The following EBF1 variants were observed in gnomAD, a reference collection of about 807,000 sequenced individuals.
The protein encoded by EBF1 is EBF transcription factor 1.
EBF1 carries 10 observed loss-of-function variants against 68.4 expected under a neutral mutation model. The ratio of observed to expected loss-of-function variants is 0.15; its 90% CI spans 0.09 to 0.25. The LOEUF (loss-of-function observed/expected upper bound fraction) is 0.25. EBF1 is among the 10% of genes least tolerant of loss of function. The pLI is 1.00. For synonymous variants in EBF1, 298 were observed against 299.8 expected, an observed-to-expected ratio of 0.99 and a Z score of 0.06; for missense variants, 509 against 794.4, an observed-to-expected ratio of 0.64 and a Z score of 4.32.
intron 11 of EBF1, among the ~76,000 whole-genome samples, chr5:158,715,627 T>C (rs1170730119): frequency 6.6e-6 from 1 of 152,174 alleles, no homozygotes; most frequent in Non-Finnish European, 1.5e-5. Context: ...TAAAGAACAT[T>C]ATATAATCAA....
At chr5:158,848,985 C>T (rs1470566593) in intron 6 of EBF1, among the ~76,000 whole-genome samples, 1 of 152,204 alleles carries the variant, frequency 6.6e-6, no homozygotes, top group Non-Finnish European at 1.5e-5. Context: ...ACTCAACCAA[C>T]AGACCTTTCC....
intron 6 of EBF1, among the ~76,000 whole-genome samples, chr5:158,949,424 G>C (rs1456064537): frequency 6.6e-6 from 1 of 152,158 alleles, no homozygotes; most frequent in Non-Finnish European, 1.5e-5. Flanking sequence ...GAGGCCAGGA[G>C]TTTGAGACCA....
chr5:158,804,562 C>T (rs958049532), intron 8 of EBF1, among the ~76,000 whole-genome samples: 1 of 152,096 alleles, frequency 6.6e-6, no homozygotes, highest in African/African-American at 2.4e-5. Context: ...GACAATTTAG[C>T]AGTAAGAAAT....
At chr5:159,002,576 A>C (rs1226461451) in intron 6 of EBF1, among the ~76,000 whole-genome samples, 1 of 152,208 alleles carries the variant, frequency 6.6e-6, no homozygotes, top group African/African-American at 2.4e-5. Context: ...ATGTTTAAAA[A>C]TCCATAGGGC....
intron 6 of EBF1, among the ~76,000 whole-genome samples, chr5:158,881,572 G>A (rs762025017): frequency 3.3e-5 from 5 of 152,132 alleles, no homozygotes; most frequent in African/African-American, 4.8e-5. Context: ...TATGTGCTGC[G>A]GGCTGTCTGA....
At chr5:158,779,981 T>C (rs1189503299) in intron 9 of EBF1, among the ~76,000 whole-genome samples, 1 of 152,200 alleles carries the variant, frequency 6.6e-6, no homozygotes, top group Non-Finnish European at 1.5e-5. Flanking sequence ...AGGTAGAATC[T>C]GAATCATAAT....
intron 6 of EBF1, among the ~76,000 whole-genome samples, chr5:158,900,579 A>G (rs1461855444): frequency 6.6e-6 from 1 of 152,174 alleles, no homozygotes; most frequent in South Asian, 2.1e-4. Context: ...CTGACCCCTA[A>G]CTACTTCCTT....
At chr5:158,742,922 A>G (rs926765982) in intron 10 of EBF1, among the ~76,000 whole-genome samples, 2 of 152,232 alleles carry the variant, frequency 1.3e-5, no homozygotes, top group Admixed American at 1.3e-4. Context: ...TGTTTAATTA[A>G]TTAAATAAAA....
Position 158,731,150 on chromosome 5 carries a change from G to A in EBF1, c.1044C>T (p.Asn348=), listed in dbSNP as rs146276323. The part of the protein sequence containing the change: ...TPGRFIYTAL[N]EPTIDYGFQR... ...GGAAACCATAATCGATGGTGGGTTC[G>A]TTGAGCGCTGCAATAAAGAAGTCAC... Residue 348 remains asparagine (N), a synonymous_variant, in exon 11 of 16, where the codon AAC becomes AAT. Transcript: ENST00000313708. The A allele has an allele frequency of 6.4e-5, 103 of 1,613,844 alleles. 1 individual carries two copies. The highest frequency in any genetic ancestry group is 6.0e-4 in the African/African-American group (45 of 75,026).
chr5:158,909,986 A>AAAT (rs1805588700), intron 6 of EBF1, among the ~76,000 whole-genome samples: 1 of 148,010 alleles, frequency 6.8e-6, no homozygotes, highest in Non-Finnish European at 1.5e-5. Context: ...AAAAAAAAAA[A>AAAT]TGCAGGGGAA....
intron 15 of EBF1, among the ~76,000 whole-genome samples, chr5:158,703,858 C>G (rs553037054): frequency 1.1e-4 from 17 of 152,206 alleles, no homozygotes; most frequent in African/African-American, 3.9e-4. Flanking sequence ...TCTCCTTCAT[C>G]TTTCCTTCCT....
At chr5:158,940,979 G>A (rs1237476853) in intron 6 of EBF1, among the ~76,000 whole-genome samples, 3 of 152,098 alleles carry the variant, frequency 2.0e-5, no homozygotes, top group Non-Finnish European at 4.4e-5. Flanking sequence ...GAGAAGTTAT[G>A]TCTGTCTGAC....
At chr5:158,829,935 A>C (rs146440325) in intron 7 of EBF1, among the ~76,000 whole-genome samples, 96 of 152,350 alleles carry the variant, frequency 6.3e-4, no homozygotes, top group African/African-American at 2.2e-3. Flanking sequence ...TATCAACTCC[A>C]TGTGGAAACT....
chr5:159,049,857 T>C (rs1773181393), intron 6 of EBF1, among the ~76,000 whole-genome samples: 1 of 152,178 alleles, frequency 6.6e-6, no homozygotes, highest in South Asian at 2.1e-4. Context: ...GGTGATAATC[T>C]CCAGAATGAT....
chr5:159,097,694 C>T (rs1782897535), intron 1 of EBF1: 1 of 233,864 alleles, frequency 4.3e-6, no homozygotes, highest in East Asian at 6.0e-5. Context: ...GAGAAGGGTC[C>T]GAGGGCGGGG....
At chr5:158,872,627 A>G (rs1196469480) in intron 6 of EBF1, among the ~76,000 whole-genome samples, 1 of 152,226 alleles carries the variant, frequency 6.6e-6, no homozygotes, top group African/African-American at 2.4e-5. Flanking sequence ...GAACTGTCGA[A>G]AGCTCCTAAG....
intron 4 of EBF1, among the ~76,000 whole-genome samples, chr5:159,091,106 T>C (rs942810923): frequency 2.0e-5 from 3 of 152,236 alleles, no homozygotes; most frequent in Non-Finnish European, 2.9e-5. Context: ...TGTACAGTCA[T>C]ATGAGTTCAA....
intron 6 of EBF1, among the ~76,000 whole-genome samples, chr5:159,029,311 A>G (rs751415327): frequency 6.6e-6 from 1 of 152,236 alleles, no homozygotes; most frequent in Non-Finnish European, 1.5e-5. Context: ...AATAGAATCG[A>G]GCACTGGAGA....
intron 10 of EBF1, among the ~76,000 whole-genome samples, chr5:158,766,067 A>G (rs1772599375): frequency 6.6e-6 from 1 of 152,232 alleles, no homozygotes; most frequent in Admixed American, 6.5e-5. Flanking sequence ...AATCATAATC[A>G]ATGGTGGTTT....
Sources: gnomAD v4.1 joint callset for allele counts (sites outside exome capture counted in the v4.1 genomes callset) on GRCh38, gnomAD v4.1.1 for gene constraint, MANE v1.5 for transcripts, NCBI Gene and HGNC (gene_info 2026-07-23, HGNC 2026-07-21) for gene names.